The following FBXL13 variants were observed in gnomAD, a reference collection of about 807,000 sequenced individuals.
FBXL13 encodes F-box and leucine rich repeat protein 13.
FBXL13 carries 67 observed loss-of-function variants against 83.6 expected under a neutral mutation model. The observed-to-expected ratio is 0.80, with a 90% CI of 0.66 to 0.98. The LOEUF (loss-of-function observed/expected upper bound fraction) is 0.98, where lower values mean the gene tolerates loss of function less well. Ranked by LOEUF, FBXL13 falls within the 50% of genes least tolerant of loss-of-function variation. The pLI is 0.00. For synonymous variants in FBXL13, 272 were observed against 299.5 expected (o/e 0.91, Z 0.95); for missense variants, 822 against 866.5 (o/e 0.95, Z 0.64).
intron 2 of FBXL13, among the ~76,000 whole-genome samples, chr7:103,053,661 T>C (rs1379566822): frequency 6.6e-6 from 1 of 152,132 alleles, no homozygotes; most frequent in Non-Finnish European, 1.5e-5. Context: ...TATTCTGGAG[T>C]ATAGGAGTAG....
intron 16 of FBXL13, among the ~76,000 whole-genome samples, chr7:102,872,072 T>C (rs1449924654): frequency 1.3e-5 from 2 of 152,144 alleles, no homozygotes; most frequent in Non-Finnish European, 2.9e-5. Context: ...ATTCCCTCCA[T>C]GATATCTTTT....
chr7:102,919,861 C>T (rs546360099), intron 10 of FBXL13, among the ~76,000 whole-genome samples: 12 of 152,082 alleles, frequency 7.9e-5, no homozygotes, highest in Admixed American at 2.0e-4. Flanking sequence ...TCAGATGAAT[C>T]AAAAGGCTAA....
intron 17 of FBXL13, among the ~76,000 whole-genome samples, chr7:102,836,755 G>C (rs1037669478): frequency 6.6e-6 from 1 of 152,176 alleles, no homozygotes; most frequent in Non-Finnish European, 1.5e-5. Flanking sequence ...CCTAAATAGG[G>C]TACGTAGAGG....
At chr7:103,013,266 C>G (rs1206733599) in intron 6 of FBXL13, among the ~76,000 whole-genome samples, 1 of 152,194 alleles carries the variant, frequency 6.6e-6, no homozygotes, top group Non-Finnish European at 1.5e-5. Context: ...GACCTGAACT[C>G]AATGCTTGAC....
intron 1 of FBXL13, among the ~76,000 whole-genome samples, chr7:103,070,981 T>C (rs776224679): frequency 1.3e-5 from 2 of 152,190 alleles, no homozygotes; most frequent in Non-Finnish European, 2.9e-5. Flanking sequence ...AAAAGATGCA[T>C]AATTCTAATA....
chr7:103,067,371 A>G (rs1437088221), intron 1 of FBXL13, among the ~76,000 whole-genome samples: 6 of 152,200 alleles, frequency 3.9e-5, no homozygotes, highest in Non-Finnish European at 8.8e-5. Context: ...TTTTAAAAGC[A>G]TGTCTGCAAA....
At chr7:103,064,527 T>C (rs982280137) in intron 1 of FBXL13, among the ~76,000 whole-genome samples, 1 of 152,198 alleles carries the variant, frequency 6.6e-6, no homozygotes. Context: ...AGTGATGCTG[T>C]TGTGATCTAT....
rs1200171175 is a variant in FBXL13, at chr7:102,848,294, C to T, written c.1719+6483G>A. 4.3e-5 allele frequency among the ~76,000 whole-genome samples: 2 copies of T among 46,490 alleles called. 1 individual carries two copies. The highest frequency in any genetic ancestry group is 5.3e-4 in the African/African-American group (2 of 3,804). 30.5% of individuals were successfully genotyped at this position (46,490 alleles called of 152,430 possible). A position where few individuals can be genotyped will look rare whatever the true frequency, so the allele number is the denominator to read the frequency against. ...ATTCGAGGCCGGGCGCGGTGGCTCA[C>T]GCCTGTAATCCCAGCACTTTGGGAG... On this transcript the variant is annotated intron_variant, in intron 17 of 19. Transcript: ENST00000313221.
At chr7:103,027,048 C>T (rs1793997887) in intron 5 of FBXL13, among the ~76,000 whole-genome samples, 1 of 152,156 alleles carries the variant, frequency 6.6e-6, no homozygotes, top group Non-Finnish European at 1.5e-5. Context: ...AATCCCAGCA[C>T]TTTAGGAGGC....
chr7:103,073,239 T>C (rs1799182587), intron 1 of FBXL13, among the ~76,000 whole-genome samples: 1 of 152,224 alleles, frequency 6.6e-6, no homozygotes, highest in South Asian at 2.1e-4. Context: ...CATAAACACA[T>C]ATACAACATA....
chr7:102,891,532 T>A (rs929393132), intron 11 of FBXL13, among the ~76,000 whole-genome samples: 1 of 152,242 alleles, frequency 6.6e-6, no homozygotes. Context: ...TGTTTGTTAA[T>A]AGACCAAGTA....
chr7:103,017,478 T>C (rs1792499838), intron 6 of FBXL13, among the ~76,000 whole-genome samples: 1 of 152,200 alleles, frequency 6.6e-6, no homozygotes, highest in African/African-American at 2.4e-5. Context: ...AGATGGAGAA[T>C]GACTTTGACA....
At chr7:102,903,753 G>A (rs558968260) in intron 11 of FBXL13, among the ~76,000 whole-genome samples, 1 of 151,814 alleles carries the variant, frequency 6.6e-6, no homozygotes, top group African/African-American at 2.4e-5. Flanking sequence ...TCATTCTGTT[G>A]ATGCTATGTG....
chr7:103,025,233 G>A lies in FBXL13; in HGVS notation c.328-3C>T, dbSNP rs774830932. On this transcript the variant is annotated splice_polypyrimidine_tract_variant and splice_region_variant and intron_variant, in intron 5 of 19. Transcript: ENST00000313221. The stretch of plus-strand genomic sequence containing the variant: ...AATTGAAGTTCATGTTTTAATATCT[G>A]CAATGAAAATAATTTTAAAATTCCA... The A allele has an allele frequency of 3.9e-6, 6 of 1,545,668 alleles. No individual in the cohort carries two copies. The highest frequency in any genetic ancestry group is 1.8e-5 in the Admixed American group (1 of 54,318).
At chr7:102,905,557 A>G (rs551538177) in intron 11 of FBXL13, among the ~76,000 whole-genome samples, 1 of 151,972 alleles carries the variant, frequency 6.6e-6, no homozygotes, top group Non-Finnish European at 1.5e-5. Context: ...TTGTTTTTTC[A>G]TCCATTCAGC....
chr7:102,935,248 T>C (rs1820092349), intron 8 of FBXL13, among the ~76,000 whole-genome samples: 4 of 36,386 alleles, frequency 1.1e-4, no homozygotes, highest in South Asian at 1.4e-3. Context: ...CTTTCTTTTT[T>C]TTTTTTTTTT....
chr7:102,886,877 G>A (rs1459564099), intron 11 of FBXL13, among the ~76,000 whole-genome samples: 1 of 152,156 alleles, frequency 6.6e-6, no homozygotes, highest in Non-Finnish European at 1.5e-5. Flanking sequence ...GAGCATGCAG[G>A]CCTGATTTGC....
At chr7:102,964,678 C>T (rs372242008) in intron 7 of FBXL13, among the ~76,000 whole-genome samples, 2 of 152,042 alleles carry the variant, frequency 1.3e-5, no homozygotes, top group Non-Finnish European at 2.9e-5. Flanking sequence ...GCTGGGATTA[C>T]AGGCATGAGC....
At chr7:102,916,509 G>T (rs1022575869) in intron 10 of FBXL13, among the ~76,000 whole-genome samples, 1 of 152,182 alleles carries the variant, frequency 6.6e-6, no homozygotes, top group Non-Finnish European at 1.5e-5. Context: ...CAGGAATCTT[G>T]GGTGGCCCTG....
Sources: allele counts gnomAD v4.1 joint callset (sites outside exome capture counted in the v4.1 genomes callset), GRCh38; gene constraint gnomAD v4.1.1; transcripts MANE v1.5; gene names NCBI Gene and HGNC (gene_info 2026-07-23, HGNC 2026-07-21).